KCNB2: variants seen among roughly 807,000 people sequenced by gnomAD.
The protein encoded by KCNB2 is potassium voltage-gated channel subfamily B member 2, also known as delayed rectifier potassium channel protein.
KCNB2 carries 15 observed loss-of-function variants against 61.5 expected under a neutral mutation model. The ratio of observed to expected loss-of-function variants is 0.24; its 90% CI spans 0.16 to 0.38. KCNB2 has a LOEUF of 0.38. Ranked by LOEUF, KCNB2 falls within the 10% of genes least tolerant of loss-of-function variation. The pLI, the probability that KCNB2 is intolerant of heterozygous loss-of-function variation, is 1.00. For synonymous variants in KCNB2, 457 were observed against 446.0 expected, an observed-to-expected ratio of 1.02 and a Z score of -0.31; for missense variants, 828 against 1,125.2, an observed-to-expected ratio of 0.74 and a Z score of 3.78.
chr8:72,929,465 G>A (rs1014496082), intron 2 of KCNB2, among the ~76,000 whole-genome samples: 8 of 152,192 alleles, frequency 5.3e-5, no homozygotes, highest in African/African-American at 1.9e-4. Flanking sequence ...CAGAAAGAAT[G>A]TCTATTCCCA....
At chr8:72,912,727 T>C (rs540657865) in intron 2 of KCNB2, among the ~76,000 whole-genome samples, 1 of 152,078 alleles carries the variant, frequency 6.6e-6, no homozygotes, top group East Asian at 1.9e-4. Context: ...AGAAGATCAA[T>C]CAGGTAATGA....
At chr8:72,712,876 G>A (rs1206768469) in intron 2 of KCNB2, among the ~76,000 whole-genome samples, 1 of 152,212 alleles carries the variant, frequency 6.6e-6, no homozygotes, top group Non-Finnish European at 1.5e-5. Context: ...CACCTCACCT[G>A]GGAAGTGCAA....
At chr8:72,595,353 T>C (rs1359504966) in intron 2 of KCNB2, among the ~76,000 whole-genome samples, 8 of 149,964 alleles carry the variant, frequency 5.3e-5, no homozygotes, top group Non-Finnish European at 1.2e-4. Flanking sequence ...TAAGACAGAG[T>C]CTCACTTTGT....
chr8:72,750,378 G>A (rs895354680), intron 2 of KCNB2: 3 of 151,962 alleles, frequency 2.0e-5, no homozygotes, highest in African/African-American at 7.2e-5. Context: ...TCCATTCCTG[G>A]GTTATGGGTT....
At position 72,615,360 on chromosome 8, in the gene KCNB2, T is replaced by G. The variant is rs987030; in HGVS notation, c.579+47047T>G. On this transcript the variant is annotated intron_variant, in intron 2 of 2. Coordinates refer to ENST00000523207, the MANE Select transcript of KCNB2 (RefSeq NM_004770.3). ...GCTACATGGCTCTGAAATCACACAC[T>G]GAGGGGCATACGAGGCACAAGATGA... 2.8e-3 allele frequency among the ~76,000 whole-genome samples: 430 copies of G among 152,264 alleles called. 10 individuals carry two copies. The highest frequency in any genetic ancestry group is 0.023 in the East Asian group (117 of 5,170).
intron 2 of KCNB2, among the ~76,000 whole-genome samples, chr8:72,717,588 G>T (rs1807468110): frequency 6.6e-6 from 1 of 152,120 alleles, no homozygotes; most frequent in Non-Finnish European, 1.5e-5. Flanking sequence ...AATAAATGGT[G>T]CTGGGAAAAC....
At position 72,922,864 on chromosome 8, in the gene KCNB2, A is replaced by G. The variant is rs56249628; in HGVS notation, c.580-13071A>G. On this transcript the variant is annotated intron_variant, in intron 2 of 2. Coordinates refer to ENST00000523207, the MANE Select transcript of KCNB2 (RefSeq NM_004770.3). ...TTTTGTCAAGGTTAAGGACATGCCCATGGCACAGCCTCAGGAGGTCCTGAT... is the reference window on the plus strand; with the variant it reads ...TTTTGTCAAGGTTAAGGACATGCCCGTGGCACAGCCTCAGGAGGTCCTGAT... 3.8e-3 allele frequency among the ~76,000 whole-genome samples: 573 copies of G among 152,356 alleles called. 2 individuals are homozygous for G. The highest frequency in any genetic ancestry group is 0.013 in the African/African-American group (534 of 41,582).
intron 2 of KCNB2, among the ~76,000 whole-genome samples, chr8:72,687,787 A>T (rs1273387075): frequency 6.6e-6 from 1 of 152,234 alleles, no homozygotes; most frequent in Non-Finnish European, 1.5e-5. Context: ...ATATGCTTTT[A>T]CTTGACTGTC....
intron 2 of KCNB2, among the ~76,000 whole-genome samples, chr8:72,678,117 C>A (rs1563556913): frequency 6.6e-6 from 1 of 152,192 alleles, no homozygotes; most frequent in Non-Finnish European, 1.5e-5. Flanking sequence ...CCTTAGCCCT[C>A]CTTTTTGTAA....
At chr8:72,667,852 G>A (rs1032208627) in intron 2 of KCNB2, among the ~76,000 whole-genome samples, 3 of 152,122 alleles carry the variant, frequency 2.0e-5, no homozygotes, top group African/African-American at 7.2e-5. Context: ...CACTTAAAAC[G>A]TAAACTCCAT....
chr8:72,765,092 A>G (rs1808440451), intron 2 of KCNB2, among the ~76,000 whole-genome samples: 1 of 152,210 alleles, frequency 6.6e-6, no homozygotes, highest in Non-Finnish European at 1.5e-5. Context: ...GTCATCAGCA[A>G]ACCTTGTTTC....
At chr8:72,799,086 C>G (rs1809079828) in intron 2 of KCNB2, among the ~76,000 whole-genome samples, 1 of 152,040 alleles carries the variant, frequency 6.6e-6, no homozygotes, top group African/African-American at 2.4e-5. Context: ...CGGAAGACAC[C>G]CAAGCTATGT....
chr8:72,804,212 A>G (rs1233473927), intron 2 of KCNB2, among the ~76,000 whole-genome samples: 1 of 152,218 alleles, frequency 6.6e-6, no homozygotes, highest in Non-Finnish European at 1.5e-5. Flanking sequence ...GAAGCAAAAA[A>G]GAAACAAAAT....
At chr8:72,617,347 G>C (rs1303922406) in intron 2 of KCNB2, among the ~76,000 whole-genome samples, 1 of 152,112 alleles carries the variant, frequency 6.6e-6, no homozygotes, top group Non-Finnish European at 1.5e-5. Context: ...GTTGCAGAGA[G>C]AAAAGAAAAA....
chr8:72,619,974 A>G (rs532540374), intron 2 of KCNB2, among the ~76,000 whole-genome samples: 9 of 152,352 alleles, frequency 5.9e-5, no homozygotes, highest in South Asian at 2.1e-4. Context: ...TGTGAAATAC[A>G]CAGCAAATTT....
intron 2 of KCNB2, among the ~76,000 whole-genome samples, chr8:72,760,332 T>C (rs1009694956): frequency 2.0e-5 from 3 of 152,232 alleles, no homozygotes; most frequent in Non-Finnish European, 2.9e-5. Context: ...ATGAGGTTTC[T>C]GGCACATAAG....
intron 2 of KCNB2, among the ~76,000 whole-genome samples, chr8:72,601,187 C>G (rs534521002): frequency 1.3e-5 from 2 of 152,236 alleles, no homozygotes; most frequent in African/African-American, 4.8e-5. Context: ...AGTTTTAACT[C>G]TCAGTAGGAA....
chr8:72,866,613 T>C (rs1805525834), intron 2 of KCNB2, among the ~76,000 whole-genome samples: 1 of 151,806 alleles, frequency 6.6e-6, no homozygotes. Flanking sequence ...AGAACAATCC[T>C]TTTGGGAATA....
intron 1 of KCNB2, among the ~76,000 whole-genome samples, chr8:72,557,016 T>C (rs964102108): frequency 6.6e-6 from 1 of 152,072 alleles, no homozygotes; most frequent in Non-Finnish European, 1.5e-5. Context: ...TGGGGCCTGT[T>C]CTATAGACAC....
Sources: allele counts gnomAD v4.1 joint callset (sites outside exome capture counted in the v4.1 genomes callset), GRCh38; gene constraint gnomAD v4.1.1; transcripts MANE v1.5; gene names NCBI Gene and HGNC (gene_info 2026-07-23, HGNC 2026-07-21).